UTP11: variants seen among roughly 807,000 people sequenced by gnomAD.
UTP11 encodes probable U3 small nucleolar RNA-associated protein 11.
In UTP11, 29 loss-of-function variants were observed where a neutral mutation model predicts 39.0. The observed-to-expected ratio is 0.74, with a 90% CI of 0.55 to 1.01. UTP11 has a LOEUF of 1.01. UTP11 is among the 50% of genes least tolerant of loss of function. The pLI, the probability that UTP11 is intolerant of heterozygous loss-of-function variation, is 0.00. For missense variants in UTP11, 281 were observed against 306.0 expected, an observed-to-expected ratio of 0.92 and a Z score of 0.61; for synonymous variants, 111 against 105.0, an observed-to-expected ratio of 1.06 and a Z score of -0.35.
In UTP11 at chr1:38,016,422, T is replaced by A; in HGVS notation, c.125+2T>A. 1 of 1,614,094 alleles carries A rather than the reference T, an allele frequency of 6.2e-7. No homozygotes were observed. Among genetic ancestry groups the A allele is most frequent in the Non-Finnish European group, 8.5e-7 (1 of 1,179,994 alleles). ...GAAAGATTACAAACTTCGTGCAGAGTGAGTTCAGTCTTTCTGGTAGAGGCG... is the reference window on the plus strand; with the variant it reads ...GAAAGATTACAAACTTCGTGCAGAGAGAGTTCAGTCTTTCTGGTAGAGGCG... On this transcript the variant is annotated splice_donor_variant, in intron 2 of 7. Coordinates refer to ENST00000373014, the MANE Select transcript of UTP11 (RefSeq NM_016037.4). LOFTEE classifies it high-confidence loss of function.
rs529200481 is a variant in UTP11, at chr1:38,018,392, C to T, written c.229-72C>T. On this transcript the variant is annotated intron_variant, in intron 3 of 7. Coordinates refer to ENST00000373014, the MANE Select transcript of UTP11 (RefSeq NM_016037.4). ...GGCCTATGGTTGTCTTTGTTCTAGC[C>T]GTGCACTGTGCCAACAACTTATTAA... The T allele has an allele frequency of 3.3e-5, 38 of 1,163,754 alleles. No individual in the cohort carries two copies. The South Asian group carries it at 3.3e-4, about 10-fold the overall frequency. The allele number at this position is 1,163,754 out of a possible 1,614,324, so 72.1% of individuals were successfully genotyped here. A position where few individuals can be genotyped will look rare whatever the true frequency, so the allele number is the denominator to read the frequency against.
In UTP11 at chr1:38,016,477, C is replaced by T. The variant is rs575172662; in HGVS notation, c.125+57C>T. The T allele has an allele frequency of 2.2e-5, 34 of 1,575,848 alleles. No homozygotes were observed. The South Asian group carries it at 3.8e-4, about 17-fold the overall frequency. The stretch of plus-strand genomic sequence containing the variant: ...CAAGAAAGCTTACAACCTCCTTGCA[C>T]TGCAGCTGAATTGCCTGAGTGTCCA... On this transcript the variant is annotated intron_variant, in intron 2 of 7. Transcript: ENST00000373014.
intron 6 of UTP11, among the ~76,000 whole-genome samples, chr1:38,020,925 CT>C (rs34333804): frequency 2.2e-3 from 326 of 144,964 alleles, no homozygotes; most frequent in Middle Eastern, 3.5e-3. Context: ...ATTAGGTGTA[CT>C]TTTTTTTTTT....
At chr1:38,013,609 T>G (rs1224367542) in intron 1 of UTP11, among the ~76,000 whole-genome samples, 1 of 152,232 alleles carries the variant, frequency 6.6e-6, no homozygotes, top group African/African-American at 2.4e-5. Context: ...GTGCTCCAAC[T>G]TAGTTTTACA....
chr1:38,019,102 A>G lies in UTP11; in HGVS notation c.386A>G (p.Gln129Arg), dbSNP rs751546341. Reference sequence around the variant, plus strand: ...TCAGAGCTCCATCTGCTGGATTTCCAGGGGAAGCAACAGAACAAGCATGTG... The same window carrying G: ...TCAGAGCTCCATCTGCTGGATTTCCGGGGGAAGCAACAGAACAAGCATGTG... Reference protein sequence around the residue: ...LKSELHLLDFQGKQQNKHVFF... With the variant: ...LKSELHLLDFRGKQQNKHVFF... The change falls in exon 5 of 8, where the codon CAG becomes CGG. Residue 129 changes from glutamine (Q) to arginine (R), a missense_variant. Gln to Arg is a conservative substitution (Grantham distance 43). Transcript: ENST00000373014. The G allele has an allele frequency of 1.9e-5, 31 of 1,613,770 alleles. No individual in the cohort carries two copies. The highest frequency in any genetic ancestry group is 6.7e-5 in the Admixed American group (4 of 59,934).
Position 38,012,831 on chromosome 1 carries a change from A to C in UTP11, c.29A>C (p.Lys10Thr), listed in dbSNP as rs140106359. 719 of 1,614,108 alleles carry C rather than the reference A, an allele frequency of 4.5e-4. 2 individuals carry two copies. The highest frequency in any genetic ancestry group is 5.6e-4 in the Non-Finnish European group (665 of 1,180,040). The change falls in exon 1 of 8, where the codon AAG (lysine) becomes ACG (threonine). Residue 10 changes from lysine to threonine, a missense_variant. Transcript: ENST00000373014. ...GCGGCGGCTTTTCGGAAGGCGGCTAAGTCCCGGCAGCGGGAACACAGAGAG... is the reference window on the plus strand; with the variant it reads ...GCGGCGGCTTTTCGGAAGGCGGCTACGTCCCGGCAGCGGGAACACAGAGAG... MAAAFRKAA[K>T]SRQREHRERS...
chr1:38,015,033 G>C (rs1472482906), intron 1 of UTP11, among the ~76,000 whole-genome samples: 3 of 151,556 alleles, frequency 2.0e-5, no homozygotes, highest in Non-Finnish European at 2.9e-5. Flanking sequence ...TTTTTTGTTT[G>C]TTTTTTTGAG....
In UTP11 at chr1:38,012,756, G is replaced by C; in HGVS notation, c.-47G>C. 6.2e-7 allele frequency: 1 copy of C among 1,613,098 alleles called. No individual in the cohort carries two copies. The highest frequency in any genetic ancestry group is 1.1e-5 in the South Asian group (1 of 91,072). Reference sequence around the variant, plus strand: ...ATCAGTGGACTTGGCGGCAGAGGCAGTGCGGATCCGGCGTTCTCCACTGAT... The same window carrying C: ...ATCAGTGGACTTGGCGGCAGAGGCACTGCGGATCCGGCGTTCTCCACTGAT... On this transcript the variant is annotated 5_prime_UTR_variant, in exon 1 of 8. Coordinates refer to ENST00000373014, the MANE Select transcript of UTP11 (RefSeq NM_016037.4).
chr1:38,013,691 C>T (rs1025610457), intron 1 of UTP11, among the ~76,000 whole-genome samples: 9 of 152,124 alleles, frequency 5.9e-5, no homozygotes, highest in Non-Finnish European at 1.3e-4. Flanking sequence ...AACTACAGTT[C>T]AGTCTTCCTG....
chr1:38,023,495 T>C, intron 7 of UTP11, 50 bp from the exon 8 acceptor site: 1 of 1,557,270 alleles, frequency 6.4e-7, no homozygotes, highest in Non-Finnish European at 8.7e-7. Flanking sequence ...CTTTCGATTT[T>C]ACAAAACCAT....
Position 38,019,883 on chromosome 1 carries a change from A to G in UTP11, c.567+500A>G, listed in dbSNP as rs369350266. Among the ~76,000 whole-genome samples the G allele has an allele frequency of 9.0e-4, 137 of 152,266 alleles. 1 individual carries two copies. Among genetic ancestry groups the G allele is most frequent in the African/African-American group, 2.6e-3 (107 of 41,552 alleles). Reference sequence around the variant, plus strand: ...GGATGGAAGTGGAGAAGGGCTTCCTAATTTCTATGATCGGAGGAGGTATAG... The same window carrying G: ...GGATGGAAGTGGAGAAGGGCTTCCTGATTTCTATGATCGGAGGAGGTATAG... On this transcript the variant is annotated intron_variant, in intron 6 of 7. Coordinates refer to ENST00000373014, the MANE Select transcript of UTP11 (RefSeq NM_016037.4).
At chr1:38,015,517 A>G (rs1174211160) in intron 1 of UTP11, among the ~76,000 whole-genome samples, 2 of 152,216 alleles carry the variant, frequency 1.3e-5, no homozygotes, top group African/African-American at 4.8e-5. Flanking sequence ...AACTGGGGTA[A>G]CAATAGTGCC....
Position 38,023,562 on chromosome 1 carries a change from G to A in UTP11, c.696G>A (p.Val232=). The A allele has an allele frequency of 6.2e-7, 1 of 1,611,024 alleles. No individual in the cohort carries two copies. Among genetic ancestry groups the A allele is most frequent in the Non-Finnish European group, 8.5e-7 (1 of 1,178,822 alleles). ...TTTTGTAGGATAAAACTCAGAAAGT[G>A]AAGGTGAAGAAAGAAACGGTGAACT... ...RKDLMDKTQK[V]KVKKETVNSP... Residue 232 remains valine (V), a synonymous_variant, in exon 8 of 8, where the codon GTG becomes GTA. Coordinates refer to ENST00000373014, the MANE Select transcript of UTP11 (RefSeq NM_016037.4).
chr1:38,016,313 T>A, intron 1 of UTP11, 46 bp from the exon 2 acceptor site: 1 of 1,595,676 alleles, frequency 6.3e-7, no homozygotes, highest in Non-Finnish European at 8.6e-7. Context: ...TGGATATGTG[T>A]TTGCGGAGGA....
intron 2 of UTP11, 197 bp from the exon 3 acceptor site, chr1:38,017,471 T>A (rs1299533244): frequency 1.4e-5 from 6 of 441,936 alleles, no homozygotes; most frequent in Non-Finnish European, 2.4e-5. Flanking sequence ...TTGATTAGAC[T>A]GTGGACCCTG....
intron 6 of UTP11, 91 bp from the exon 7 acceptor site, chr1:38,022,608 A>G: frequency 1.2e-6 from 1 of 802,460 alleles, no homozygotes; most frequent in African/African-American, 1.7e-5. Context: ...TGATGAAACT[A>G]TGCAGTTGGC....
Position 38,019,087 on chromosome 1 carries a change from A to G in UTP11, c.371A>G (p.His124Arg). 6.2e-7 allele frequency: 1 copy of G among 1,613,916 alleles called. No individual in the cohort carries two copies. Among genetic ancestry groups the G allele is most frequent in the Non-Finnish European group, 8.5e-7 (1 of 1,179,996 alleles). Reference sequence around the variant, plus strand: ...ATCGAAAGACTAAAATCAGAGCTCCATCTGCTGGATTTCCAGGGGAAGCAA... The same window carrying G: ...ATCGAAAGACTAAAATCAGAGCTCCGTCTGCTGGATTTCCAGGGGAAGCAA... ...KKIERLKSEL[H>R]LLDFQGKQQN... The change falls in exon 5 of 8, where the codon CAT becomes CGT. Residue 124 changes from histidine (H) to arginine (R), a missense_variant. Transcript: ENST00000373014.
At chr1:38,013,840 G>A (rs1217768509) in intron 1 of UTP11, among the ~76,000 whole-genome samples, 1 of 152,114 alleles carries the variant, frequency 6.6e-6, no homozygotes, top group East Asian at 1.9e-4. Flanking sequence ...TCAGCCTCTC[G>A]AGTAGCTGGG....
At chr1:38,018,627 T>TA in intron 4 of UTP11, 50 bp downstream of exon 4, 1 of 1,337,754 alleles carries the variant, frequency 7.5e-7, no homozygotes, top group Non-Finnish European at 1.1e-6. Flanking sequence ...AAGGGAAACT[T>TA]AAATTCATCA....
Sources: gnomAD v4.1 joint callset for allele counts (sites outside exome capture counted in the v4.1 genomes callset) on GRCh38, gnomAD v4.1.1 for gene constraint, MANE v1.5 for transcripts, NCBI Gene and HGNC (gene_info 2026-07-23, HGNC 2026-07-21) for gene names.